The following FCGR1A variants were observed in gnomAD, a reference collection of about 807,000 sequenced individuals.
FCGR1A encodes high affinity immunoglobulin gamma Fc receptor I.
A neutral mutation model predicts 35.0 loss-of-function variants in FCGR1A; 13 were observed. The observed-to-expected ratio is 0.37, with a 90% CI of 0.24 to 0.59. The LOEUF is 0.59. Ranked by LOEUF, FCGR1A falls within the 20% of genes least tolerant of loss-of-function variation. The pLI is 0.71. For synonymous variants in FCGR1A, 91 were observed against 164.7 expected (o/e 0.55, Z 3.43); for missense variants, 227 against 430.0 (o/e 0.53, Z 4.17).
At chr1:149,785,139 A>G (rs1242169759) in intron 3 of FCGR1A, among the ~76,000 whole-genome samples, 1 of 152,216 alleles carries the variant, frequency 6.6e-6, no homozygotes, top group East Asian at 1.9e-4. Context: ...TGCTTCATTC[A>G]ATATGCAAGA....
At chr1:149,791,179 A>G (rs587659172) in intron 5 of FCGR1A, 58 bp from the exon 6 acceptor site, 2 of 1,605,392 alleles carry the variant, frequency 1.2e-6, no homozygotes, top group Non-Finnish European at 1.7e-6. Context: ...AACATAACTC[A>G]GCTAGACCCC....
chr1:149,787,508 A>G (rs1462790635), intron 3 of FCGR1A: 2 of 152,344 alleles, frequency 1.3e-5, no homozygotes, highest in African/African-American at 4.8e-5. Context: ...TTATATCTGG[A>G]TGTTTGCCCT....
chr1:149,800,022 C>A, the FCGR1A span, among the ~76,000 whole-genome samples: 2 of 151,984 alleles, frequency 1.3e-5, no homozygotes, highest in Non-Finnish European at 2.9e-5. Flanking sequence ...ACTTCAAATG[C>A]CAGTTCCAAG....
At chr1:149,800,324 C>T in the FCGR1A span, among the ~76,000 whole-genome samples, 1 of 152,124 alleles carries the variant, frequency 6.6e-6, no homozygotes, top group Non-Finnish European at 1.5e-5. Flanking sequence ...TATGGAGGCT[C>T]CATTGCATAG....
At chr1:149,788,915 C>T (rs1181648099) in intron 4 of FCGR1A, among the ~76,000 whole-genome samples, 2 of 151,852 alleles carry the variant, frequency 1.3e-5, no homozygotes, top group Non-Finnish European at 2.9e-5. Flanking sequence ...GTAAAGAATA[C>T]AGACTCACTC....
chr1:149,794,017 C>A, downstream of FCGR1A: 1 of 729,860 alleles, frequency 1.4e-6, no homozygotes, highest in South Asian at 1.4e-5. Flanking sequence ...GGAGGTATAG[C>A]TGACAGCTGG....
At chr1:149,787,245 C>T (rs2091576408) in intron 3 of FCGR1A, 3 of 152,186 alleles carry the variant, frequency 2.0e-5, no homozygotes, top group Admixed American at 2.0e-4. Flanking sequence ...ATAGAAACAC[C>T]TGCCTTCCAT....
At position 149,791,483 on chromosome 1, in the gene FCGR1A, G is replaced by T. The variant is rs782766949; in HGVS notation, c.1091G>T (p.Gly364Val). ...QEQKEEQLQE[G>V]VHRKEPQGAT ...CAAAAAGAAGAACAGCTGCAGGAAGGGGTGCACCGGAAGGAGCCCCAGGGG... is the reference window on the plus strand; with the variant it reads ...CAAAAAGAAGAACAGCTGCAGGAAGTGGTGCACCGGAAGGAGCCCCAGGGG... Residue 364 changes from glycine (G) to valine (V), a missense_variant, in exon 6 of 6, where the codon GGG (glycine) becomes GTG (valine). Around this residue, in one of 3 missense-constraint regions of FCGR1A, gnomAD observed 39 missense variants for 101.3 expected, o/e 0.38. Transcript: ENST00000369168. The T allele has an allele frequency of 2.5e-6, 4 of 1,609,322 alleles. No individual in the cohort carries two copies. The highest frequency in any genetic ancestry group is 2.5e-6 in the Non-Finnish European group (3 of 1,179,208).
chr1:149,796,720 TCA>T, the FCGR1A span, among the ~76,000 whole-genome samples: 2 of 152,218 alleles, frequency 1.3e-5, no homozygotes, highest in Admixed American at 1.3e-4. Flanking sequence ...GAAATCTATA[TCA>T]TGGCACTTAA....
At chr1:149,784,934 G>A (rs1424773756) in intron 3 of FCGR1A, among the ~76,000 whole-genome samples, 28 of 151,914 alleles carry the variant, frequency 1.8e-4, no homozygotes, top group African/African-American at 6.5e-4. Context: ...GATTTTACAA[G>A]CATTGCTGCA....
At chr1:149,798,870 C>T in the FCGR1A span, among the ~76,000 whole-genome samples, 4 of 151,926 alleles carry the variant, frequency 2.6e-5, no homozygotes, top group African/African-American at 4.8e-5. Flanking sequence ...GCCTCAGCTT[C>T]CCAAAGTGCC....
At chr1:149,789,045 C>T (rs587760386) in intron 4 of FCGR1A, among the ~76,000 whole-genome samples, 3 of 151,648 alleles carry the variant, frequency 2.0e-5, no homozygotes, top group Non-Finnish European at 4.4e-5. Flanking sequence ...AGGGACAAAG[C>T]AGCCTCTGTG....
Position 149,791,218 on chromosome 1 carries a change from T to G in FCGR1A, c.845-19T>G, listed in dbSNP as rs782438263. 1.3e-6 allele frequency: 2 copies of G among 1,585,218 alleles called. No individual in the cohort carries two copies. Among genetic ancestry groups the G allele is most frequent in the East Asian group, 4.8e-5 (2 of 41,532 alleles). The stretch of plus-strand genomic sequence containing the variant: ...GGTCTCTAAATAGTATCTCTTCTCT[T>G]TGTCTTTTTCTGTTTCAGGCCTCCA... On this transcript the variant is annotated intron_variant, in intron 5 of 5. Coordinates refer to ENST00000369168, the MANE Select transcript of FCGR1A (RefSeq NM_000566.4).
intron 3 of FCGR1A, chr1:149,786,181 A>AT (rs2091544898): frequency 6.6e-6 from 1 of 152,076 alleles, no homozygotes; most frequent in Non-Finnish European, 1.5e-5. Context: ...ACAAATGCAA[A>AT]TTAAGCATTT....
chr1:149,792,677 C>A (rs1313558041), downstream of FCGR1A: 19 of 1,279,966 alleles, frequency 1.5e-5, no homozygotes, highest in African/African-American at 2.8e-4. Context: ...GCCGCCAGCG[C>A]CCGGGGACCC....
downstream of FCGR1A, among the ~76,000 whole-genome samples, chr1:149,795,296 AAATG>A (rs1299604637): frequency 6.1e-5 from 9 of 146,480 alleles, no homozygotes; most frequent in Non-Finnish European, 9.0e-5. Context: ...ATAAATAAAT[AAATG>A]ATTATTACCA....
At chr1:149,797,770 G>A in the FCGR1A span, among the ~76,000 whole-genome samples, 1 of 151,716 alleles carries the variant, frequency 6.6e-6, no homozygotes, top group Non-Finnish European at 1.5e-5. Flanking sequence ...GCTAATTTTT[G>A]TATCTGTTGG....
At chr1:149,800,265 A>G in the FCGR1A span, among the ~76,000 whole-genome samples, 1 of 152,184 alleles carries the variant, frequency 6.6e-6, no homozygotes, top group African/African-American at 2.4e-5. Flanking sequence ...GAACCTCTAC[A>G]TGTTCAGCTA....
chr1:149,795,316 A>T (rs1481181125), downstream of FCGR1A, among the ~76,000 whole-genome samples: 1 of 146,656 alleles, frequency 6.8e-6, no homozygotes, highest in Admixed American at 6.8e-5. Flanking sequence ...TACCAGTCTC[A>T]CAGCTGAGGC....
Sources: gnomAD v4.1 joint callset for allele counts (sites outside exome capture counted in the v4.1 genomes callset) on GRCh38, gnomAD v4.1.1 for gene constraint, gnomAD v4.1.1 regional missense constraint, MANE v1.5 for transcripts, NCBI Gene and HGNC (gene_info 2026-07-23, HGNC 2026-07-21) for gene names.